The following SYNM variants were observed in gnomAD, a reference collection of about 807,000 sequenced individuals.
The protein encoded by SYNM is synemin.
SYNM carries 95 observed loss-of-function variants against 104.0 expected under a neutral mutation model. The observed-to-expected ratio is 0.91, with a 90% confidence interval of 0.77 to 1.08. The LOEUF (loss-of-function observed/expected upper bound fraction) is 1.08, where lower values mean the gene tolerates loss of function less well. SYNM is among the 50% of genes least tolerant of loss of function. The probability of loss-of-function intolerance (pLI) is 0.00; values close to 1 mark genes in which losing one functional copy is unlikely to be tolerated. For synonymous variants in SYNM, 918 were observed against 869.0 expected, an observed-to-expected ratio of 1.06 and a Z score of -0.99; for missense variants, 2,150 against 2,052.2, an observed-to-expected ratio of 1.05 and a Z score of -0.92.
downstream of SYNM, chr15:99,139,833 A>G (rs188509619): frequency 7.6e-4 from 790 of 1,040,384 alleles, 9 homozygotes; most frequent in Admixed American, 0.02. Context: ...ACTCTTGACT[A>G]CACAGCAATG....
chr15:99,113,474 TCTGGTCTGCTAATAACC>T (rs1329466216), intron 1 of SYNM, 100 bp from the exon 2 acceptor site: 35 of 1,350,122 alleles, frequency 2.6e-5, no homozygotes, highest in Non-Finnish European at 3.6e-5. Flanking sequence ...CGGGTGTTTT[TCTGGTCTGCTAATAACC>T]CTGGTCTGTT....
At position 99,105,299 on chromosome 15, in the gene SYNM, C is replaced by A. The variant is rs1555482348; in HGVS notation, c.100C>A (p.Arg34Ser). Residue 34 changes from arginine to serine, a missense_variant, in exon 1 of 4, where the codon CGC (arginine) becomes AGC (serine). Physicochemically the swap from Arg to Ser is moderately radical, Grantham distance 110. Coordinates refer to ENST00000336292, the MANE Select transcript of SYNM (RefSeq NM_145728.3). ...DYVCRVRELERENLLLEEELR... is the reference protein window; with the variant it reads ...DYVCRVRELESENLLLEEELR... ...CGTGTGTCGGGTGCGGGAGCTGGAG[C>A]GCGAAAACCTACTCCTGGAGGAGGA... 1.3e-6 allele frequency: 2 copies of A among 1,549,554 alleles called. No homozygotes were observed. Among genetic ancestry groups the A allele is most frequent in the Non-Finnish European group, 1.7e-6 (2 of 1,148,078 alleles).
chr15:99,138,823 C>T (rs893554791), downstream of SYNM, among the ~76,000 whole-genome samples: 20 of 151,812 alleles, frequency 1.3e-4, no homozygotes, highest in Non-Finnish European at 2.7e-4. Context: ...CCTGAGCAGA[C>T]TCAGGCAGCC....
Position 99,134,918 on chromosome 15 carries a change from AT to A in SYNM, c.*1861del, listed in dbSNP as rs1391964777. The A allele has an allele frequency of 6.6e-6, 1 of 152,242 alleles. No homozygotes were observed. Among genetic ancestry groups the A allele is most frequent in the Non-Finnish European group, 1.5e-5 (1 of 68,044 alleles). 9.4% of individuals were successfully genotyped at this position (152,242 alleles called of 1,614,324 possible). ...GCTTTGTAAGGTTTTGTCGTTTCTA[AT>A]ACAGACAGAGATGTGCTGATTTTGT... On this transcript the variant is annotated 3_prime_UTR_variant, in exon 4 of 4. Coordinates refer to ENST00000336292, the MANE Select transcript of SYNM (RefSeq NM_145728.3).
In SYNM at chr15:99,126,729, T is replaced by C. The variant is rs1265304856; in HGVS notation, c.943T>C (p.Leu315=). ...TGTAAATTATTTTTACAGGGCCTTA[T>C]TGGAAGGAGAAAGTAATCCAGAGAT... ...SLEVATYRAL[L]EGESNPEIVI... is the part of the protein sequence containing the mutation. The change falls in exon 3 of 4, where the codon TTG becomes CTG. Residue 315 remains leucine (L), a synonymous_variant. Transcript: ENST00000336292. 3.2e-6 allele frequency: 5 copies of C among 1,578,416 alleles called. No homozygotes were observed. Among genetic ancestry groups the C allele is most frequent in the Non-Finnish European group, 3.4e-6 (4 of 1,161,236 alleles).
chr15:99,112,241 A>C (rs1034543581), intron 1 of SYNM, among the ~76,000 whole-genome samples: 1 of 152,186 alleles, frequency 6.6e-6, no homozygotes, highest in African/African-American at 2.4e-5. Context: ...ACAAAGATAA[A>C]TGTTTATAGG....
At chr15:99,136,625 C>T (rs1473556383), downstream of SYNM, 1 of 152,272 alleles carries the variant, frequency 6.6e-6, no homozygotes, top group South Asian at 2.1e-4. Context: ...ACCTAATCAC[C>T]TCTCCAAGAC....
intron 1 of SYNM, among the ~76,000 whole-genome samples, chr15:99,108,147 G>A (rs1237559557): frequency 2.6e-5 from 4 of 151,976 alleles, no homozygotes; most frequent in East Asian, 1.9e-4. Flanking sequence ...GCTAATTTTT[G>A]TATTTTTAGT....
downstream of SYNM, chr15:99,136,876 C>CT (rs1402035030): frequency 1.3e-5 from 2 of 152,348 alleles, no homozygotes; most frequent in Non-Finnish European, 2.9e-5. Flanking sequence ...ACAATGGTCC[C>CT]TGCTTCTCTC....
At chr15:99,114,637 G>A (rs1555483744) in intron 2 of SYNM, among the ~76,000 whole-genome samples, 1 of 152,086 alleles carries the variant, frequency 6.6e-6, no homozygotes, top group African/African-American at 2.4e-5. Flanking sequence ...GTTGACTTGA[G>A]TTCAAGGTAA....
the SYNM span, among the ~76,000 whole-genome samples, chr15:99,141,727 A>G: frequency 1.3e-5 from 2 of 152,218 alleles, no homozygotes; most frequent in African/African-American, 4.8e-5. Flanking sequence ...CTTTGTCTTT[A>G]TAAGCTGTGG....
chr15:99,125,059 A>G lies in SYNM; in HGVS notation c.936-1663A>G, dbSNP rs545586679. Among the ~76,000 whole-genome samples, 3 of 152,312 alleles carry G rather than the reference A, an allele frequency of 2.0e-5. No individual in the cohort carries two copies. In the South Asian group the frequency reaches 6.2e-4, roughly 32 times the overall value. ...GCATTCCCTTTGGAGGGTGGGGAAGACGTATTTTTCCCTGGACAGCAACAT... is the reference window on the plus strand; with the variant it reads ...GCATTCCCTTTGGAGGGTGGGGAAGGCGTATTTTTCCCTGGACAGCAACAT... On this transcript the variant is annotated intron_variant, in intron 2 of 3. Transcript: ENST00000336292.
chr15:99,114,744 C>T (rs868909965), intron 2 of SYNM, among the ~76,000 whole-genome samples: 10 of 150,176 alleles, frequency 6.7e-5, no homozygotes, highest in Admixed American at 2.7e-4. Context: ...GCCTGCAGGC[C>T]GGCGGAACAG....
In SYNM at chr15:99,105,424, C is replaced by G. The variant is rs1555482396; in HGVS notation, c.225C>G (p.Ser75Arg). 3.4e-6 allele frequency: 5 copies of G among 1,481,920 alleles called. No homozygotes were observed. The highest frequency in any genetic ancestry group is 1.3e-5 in the South Asian group (1 of 78,054). The allele number at this position is 1,481,920 out of a possible 1,614,324, so 91.8% of individuals were successfully genotyped here. A position where few individuals can be genotyped will look rare whatever the true frequency, so the allele number is the denominator to read the frequency against. The part of the protein sequence containing the change: ...RSLRQQLDEL[S>R]WATALAEGER... ...TGCGGCAGCAGCTGGACGAGCTGAGCTGGGCCACTGCGCTGGCGGAGGGCG... is the reference window on the plus strand; with the variant it reads ...TGCGGCAGCAGCTGGACGAGCTGAGGTGGGCCACTGCGCTGGCGGAGGGCG... The change falls in exon 1 of 4, where the codon AGC (serine) becomes AGG (arginine). Residue 75 changes from serine (S) to arginine (R), a missense_variant. By Grantham distance (110) the Ser-to-Arg change is moderately radical. Transcript: ENST00000336292.
chr15:99,110,893 T>G (rs1367433068), intron 1 of SYNM, among the ~76,000 whole-genome samples: 1 of 152,246 alleles, frequency 6.6e-6, no homozygotes, highest in Non-Finnish European at 1.5e-5. Flanking sequence ...CACAGCTTGC[T>G]GACTGGCCAA....
chr15:99,129,310 A>G, intron 3 of SYNM, 57 bp from the exon 4 acceptor site: 1 of 1,581,732 alleles, frequency 6.3e-7, no homozygotes, highest in Non-Finnish European at 8.6e-7. Context: ...ATGCTTGTAG[A>G]TGGAAAAGGG....
intron 2 of SYNM, among the ~76,000 whole-genome samples, chr15:99,117,667 G>A (rs1454039047): frequency 1.3e-5 from 2 of 152,038 alleles, no homozygotes; most frequent in East Asian, 3.8e-4. Flanking sequence ...ACTTCGTCCT[G>A]CCCCCTGTTC....
At position 99,105,605 on chromosome 15, in the gene SYNM, C is replaced by G; in HGVS notation, c.406C>G (p.Arg136Gly). The G allele has an allele frequency of 2.4e-6, 3 of 1,225,358 alleles. No homozygotes were observed. Among genetic ancestry groups the G allele is most frequent in the South Asian group, 2.9e-5 (1 of 33,972 alleles). The allele number at this position is 1,225,358 out of a possible 1,614,324, so 75.9% of individuals were successfully genotyped here. Residue 136 changes from arginine (R) to glycine (G), a missense_variant, in exon 1 of 4, where the codon CGG (arginine) becomes GGG (glycine). Transcript: ENST00000336292. ...ARAALEALLGRLQAERRGLDA... is the reference protein window; with the variant it reads ...ARAALEALLGGLQAERRGLDA... Reference sequence around the variant, plus strand: ...CGCCGCCCTCGAGGCGCTGCTGGGCCGGCTGCAGGCCGAGCGCCGAGGCCT... The same window carrying G: ...CGCCGCCCTCGAGGCGCTGCTGGGCGGGCTGCAGGCCGAGCGCCGAGGCCT...
At position 99,130,547 on chromosome 15, in the gene SYNM, C is replaced by T. The variant is rs782295807; in HGVS notation, c.2187C>T (p.Ile729=). The T allele has an allele frequency of 1.9e-6, 3 of 1,613,830 alleles. No individual in the cohort carries two copies. Among genetic ancestry groups the T allele is most frequent in the South Asian group, 2.2e-5 (2 of 91,024 alleles). The change falls in exon 4 of 4, where the codon ATC becomes ATT. Residue 729 remains isoleucine (I), a synonymous_variant. Coordinates refer to ENST00000336292, the MANE Select transcript of SYNM (RefSeq NM_145728.3). ...CAGCCGAGCAGATGATAGGAGACAT[C>T]ATCAACCTCGGCCTGAAAGGGAGGG... is the stretch of plus-strand genomic sequence containing the variant. ...GKSAEQMIGD[I]INLGLKGREG...
Sources: gnomAD v4.1 joint callset for allele counts (sites outside exome capture counted in the v4.1 genomes callset) on GRCh38, gnomAD v4.1.1 for gene constraint, MANE v1.5 for transcripts, NCBI Gene and HGNC (gene_info 2026-07-23, HGNC 2026-07-21) for gene names.